Variants in XKR6 observed in about 807,000 individuals in gnomAD.
XKR6 encodes XK related 6.
XKR6 carries 22 observed loss-of-function variants against 56.7 expected under a neutral mutation model. The ratio of observed to expected loss-of-function variants is 0.39; its 90% CI spans 0.28 to 0.55. XKR6 has a LOEUF of 0.55. Ranked by LOEUF, XKR6 falls within the 20% of genes least tolerant of loss-of-function variation. The pLI is 0.66. For synonymous variants in XKR6, 524 were observed against 387.8 expected (o/e 1.35, Z -4.13); for missense variants, 852 against 889.0 (o/e 0.96, Z 0.53).
chr8:11,034,221 G>C (rs1799081534), intron 1 of XKR6, among the ~76,000 whole-genome samples: 1 of 152,216 alleles, frequency 6.6e-6, no homozygotes, highest in Admixed American at 6.5e-5. Context: ...AACAGGAAAG[G>C]CTGCACAGTG....
At chr8:11,161,670 T>C (rs1216802010) in intron 1 of XKR6, among the ~76,000 whole-genome samples, 1 of 152,254 alleles carries the variant, frequency 6.6e-6, no homozygotes, top group Non-Finnish European at 1.5e-5. Context: ...TTCTTTACTA[T>C]GTTGGGAGCA....
At chr8:10,923,844 A>T (rs1291186838) in intron 2 of XKR6, among the ~76,000 whole-genome samples, 1 of 152,188 alleles carries the variant, frequency 6.6e-6, no homozygotes, top group Non-Finnish European at 1.5e-5. Flanking sequence ...CTGGCTACCC[A>T]GATTACACAC....
At chr8:11,016,233 C>T (rs1798618376) in intron 1 of XKR6, among the ~76,000 whole-genome samples, 2 of 152,194 alleles carry the variant, frequency 1.3e-5, no homozygotes, top group Non-Finnish European at 2.9e-5. Flanking sequence ...TCCCCGCACC[C>T]TGACGCGGAG....
intron 1 of XKR6, among the ~76,000 whole-genome samples, chr8:10,950,121 A>T (rs1801673610): frequency 6.6e-6 from 1 of 152,186 alleles, no homozygotes; most frequent in Non-Finnish European, 1.5e-5. Context: ...GGCTGAGACC[A>T]GAAGAGGTCA....
chr8:10,900,818 A>G (rs538145266), intron 2 of XKR6, among the ~76,000 whole-genome samples: 1 of 146,388 alleles, frequency 6.8e-6, no homozygotes, highest in Non-Finnish European at 1.5e-5. Context: ...AATGTGATGT[A>G]GGTTGCAGAT....
chr8:10,947,395 AT>A (rs1439326944), intron 1 of XKR6, among the ~76,000 whole-genome samples: 1 of 152,082 alleles, frequency 6.6e-6, no homozygotes, highest in African/African-American at 2.4e-5. Context: ...CAGGCTGGAG[AT>A]GCAGACAGTG....
At chr8:11,011,038 A>C (rs1299767653) in intron 1 of XKR6, among the ~76,000 whole-genome samples, 1 of 152,230 alleles carries the variant, frequency 6.6e-6, no homozygotes, top group Non-Finnish European at 1.5e-5. Flanking sequence ...AGTCAAGATT[A>C]TTATTATCCC....
In XKR6 at chr8:11,110,281, C is replaced by A. The variant is rs567819324; in HGVS notation, c.764+90295G>T. Among the ~76,000 whole-genome samples the A allele has an allele frequency of 1.1e-3, 170 of 152,166 alleles. 1 individual carries two copies. Among genetic ancestry groups the A allele is most frequent in the Non-Finnish European group, 5.6e-4 (38 of 67,986 alleles). On this transcript the variant is annotated intron_variant, in intron 1 of 2. Transcript: ENST00000416569. ...AGCCACTGCGCCTGGCCTTAAAAAACCTACTTTATGTTTTCACTGTGCTTT... is the reference window on the plus strand; with the variant it reads ...AGCCACTGCGCCTGGCCTTAAAAAAACTACTTTATGTTTTCACTGTGCTTT...
intron 1 of XKR6, among the ~76,000 whole-genome samples, chr8:11,099,437 A>G (rs1278157039): frequency 6.6e-6 from 1 of 152,226 alleles, no homozygotes; most frequent in African/African-American, 2.4e-5. Flanking sequence ...CTTCAAGTGA[A>G]AATTCTGGGA....
intron 1 of XKR6, among the ~76,000 whole-genome samples, chr8:10,943,059 C>A (rs1260376011): frequency 6.6e-6 from 1 of 152,234 alleles, no homozygotes; most frequent in Non-Finnish European, 1.5e-5. Flanking sequence ...CAGGTAGGCA[C>A]CGTACCCATC....
intron 1 of XKR6, among the ~76,000 whole-genome samples, chr8:11,153,752 A>G (rs1014542537): frequency 2.0e-5 from 3 of 152,194 alleles, no homozygotes; most frequent in African/African-American, 7.2e-5. Context: ...TGATCTGCTC[A>G]AGCCAAAAGC....
At chr8:11,186,405 A>T (rs1006386611) in intron 1 of XKR6, among the ~76,000 whole-genome samples, 1 of 152,118 alleles carries the variant, frequency 6.6e-6, no homozygotes, top group African/African-American at 2.4e-5. Context: ...AGACAGAGAG[A>T]GAGTCTTGCT....
At chr8:11,115,599 C>G (rs533154484) in intron 1 of XKR6, among the ~76,000 whole-genome samples, 2 of 151,794 alleles carry the variant, frequency 1.3e-5, no homozygotes, top group South Asian at 4.2e-4. Context: ...CTACATATAC[C>G]AATGACATTT....
chr8:11,095,355 G>A (rs1362219749), intron 1 of XKR6, among the ~76,000 whole-genome samples: 2 of 152,166 alleles, frequency 1.3e-5, no homozygotes, highest in Non-Finnish European at 2.9e-5. Context: ...TATCTTCTAA[G>A]TTTTTTCTTT....
intron 1 of XKR6, among the ~76,000 whole-genome samples, chr8:10,963,476 C>T (rs747922791): frequency 6.6e-6 from 1 of 152,156 alleles, no homozygotes; most frequent in Non-Finnish European, 1.5e-5. Flanking sequence ...CCAGACAATC[C>T]GGGCAGGAAT....
intron 1 of XKR6, among the ~76,000 whole-genome samples, chr8:11,185,984 G>A (rs1462464656): frequency 6.6e-6 from 1 of 152,180 alleles, no homozygotes; most frequent in African/African-American, 2.4e-5. Flanking sequence ...CTCAGACTAA[G>A]AATGCTTTTT....
At chr8:10,956,532 C>T (rs1165879593) in intron 1 of XKR6, among the ~76,000 whole-genome samples, 6 of 152,150 alleles carry the variant, frequency 3.9e-5, no homozygotes, top group Non-Finnish European at 5.9e-5. Context: ...AGCCAATTAT[C>T]GACAGAGAGG....
chr8:11,194,908 C>A, intron 1 of XKR6: 1 of 533,760 alleles, frequency 1.9e-6, no homozygotes, highest in Admixed American at 3.5e-5. Flanking sequence ...TATGCTGCAT[C>A]CCCAGTTGCA....
chr8:11,117,197 C>A (rs1004181851), intron 1 of XKR6, among the ~76,000 whole-genome samples: 1 of 152,194 alleles, frequency 6.6e-6, no homozygotes, highest in South Asian at 2.1e-4. Flanking sequence ...AAAGGGTTAA[C>A]CCCCATGATA....
Sources: gnomAD v4.1 joint callset for allele counts (sites outside exome capture counted in the v4.1 genomes callset) on GRCh38, gnomAD v4.1.1 for gene constraint, MANE v1.5 for transcripts, NCBI Gene and HGNC (gene_info 2026-07-23, HGNC 2026-07-21) for gene names.